The following CLGN variants were observed in gnomAD, a reference collection of about 807,000 sequenced individuals.
CLGN encodes the protein calmegin, also known as testis tissue sperm-binding protein Li 79P.
CLGN carries 62 observed loss-of-function variants against 79.1 expected under a neutral mutation model. That is an observed-to-expected ratio of 0.78 (90% confidence interval 0.64 to 0.97). The LOEUF (loss-of-function observed/expected upper bound fraction) is 0.97, where lower values mean the gene tolerates loss of function less well. Ranked by LOEUF, CLGN falls within the 50% of genes least tolerant of loss-of-function variation. The pLI, the probability that CLGN is intolerant of heterozygous loss-of-function variation, is 0.00. For synonymous variants in CLGN, 225 were observed against 224.7 expected (o/e 1.00, Z -0.01); for missense variants, 647 against 715.5 (o/e 0.90, Z 1.09).
intron 1 of CLGN, among the ~76,000 whole-genome samples, chr4:140,414,050 C>A (rs1269272074): frequency 6.6e-6 from 1 of 152,252 alleles, no homozygotes; most frequent in Non-Finnish European, 1.5e-5. Flanking sequence ...TCCCTGACCC[C>A]TGAGCAGCCT....
chr4:140,392,202 C>A lies in CLGN; in HGVS notation c.1651+17G>T, dbSNP rs376437199. 3 of 1,609,492 alleles carry A rather than the reference C, an allele frequency of 1.9e-6. No homozygotes were observed. In the African/African-American group the frequency reaches 4.0e-5, roughly 22 times the overall value. On this transcript the variant is annotated intron_variant, in intron 13 of 14. Coordinates refer to ENST00000325617, the MANE Select transcript of CLGN (RefSeq NM_004362.3). ...TTTACCCAGAGTCTCCATTATAAAT[C>A]ACTCTCATCATCTTACCTTTTTCAA... is the stretch of plus-strand genomic sequence containing the variant.
At chr4:140,419,722 T>C (rs1560748858) in intron 1 of CLGN, among the ~76,000 whole-genome samples, 1 of 152,214 alleles carries the variant, frequency 6.6e-6, no homozygotes, top group Non-Finnish European at 1.5e-5. Flanking sequence ...ATTACTTATA[T>C]ATTTATGGAC....
chr4:140,400,931 C>T (rs1025582131), intron 6 of CLGN, among the ~76,000 whole-genome samples: 8 of 151,940 alleles, frequency 5.3e-5, no homozygotes, highest in African/African-American at 1.9e-4. Flanking sequence ...AGGAAGATAC[C>T]AGAAAATGAC....
At chr4:140,424,968 C>T (rs968734921) in intron 1 of CLGN, among the ~76,000 whole-genome samples, 4 of 152,116 alleles carry the variant, frequency 2.6e-5, no homozygotes, top group Non-Finnish European at 1.5e-5. Flanking sequence ...TCCTAAAAAC[C>T]CTACTGGATC....
At chr4:140,406,732 A>G (rs1729115391) in intron 4 of CLGN, among the ~76,000 whole-genome samples, 1 of 152,242 alleles carries the variant, frequency 6.6e-6, no homozygotes, top group Non-Finnish European at 1.5e-5. Flanking sequence ...CCATGTTAAG[A>G]TCAGGACATT....
chr4:140,413,789 C>T (rs1465844367), intron 1 of CLGN, among the ~76,000 whole-genome samples: 10 of 152,334 alleles, frequency 6.6e-5, no homozygotes, highest in South Asian at 2.1e-4. Flanking sequence ...GAGGGGCGCC[C>T]GCCATTGCCC....
At chr4:140,408,898 T>C (rs191459048) in intron 4 of CLGN, among the ~76,000 whole-genome samples, 41 of 128,654 alleles carry the variant, frequency 3.2e-4, no homozygotes, top group Non-Finnish European at 4.5e-4. Flanking sequence ...CACACACACA[T>C]ATATATACAC....
intron 1 of CLGN, among the ~76,000 whole-genome samples, chr4:140,423,365 T>G (rs1202220466): frequency 6.6e-6 from 1 of 152,228 alleles, no homozygotes; most frequent in Non-Finnish European, 1.5e-5. Context: ...TGAATCATCC[T>G]TGAATTTTAG....
chr4:140,396,474 T>C (rs1296552916), intron 8 of CLGN, among the ~76,000 whole-genome samples: 1 of 152,150 alleles, frequency 6.6e-6, no homozygotes, highest in Admixed American at 6.6e-5. Flanking sequence ...GACCTTGCTT[T>C]TGTTACTTAA....
At position 140,427,599 on chromosome 4, in the gene CLGN, C is replaced by G. The variant is rs572850141; in HGVS notation, c.-72G>C. 6.6e-6 allele frequency: 1 copy of G among 152,294 alleles called. No homozygotes were observed. The highest frequency in any genetic ancestry group is 1.5e-5 in the Non-Finnish European group (1 of 68,092). 9.4% of individuals were successfully genotyped at this position (152,294 alleles called of 1,614,324 possible). ...TGTCCAAGTCGTTGCCACTTGGTCC[C>G]CGCGTCTCTTCAGACCAGTCCCGCC... On this transcript the variant is annotated 5_prime_UTR_variant, in exon 1 of 15. Transcript: ENST00000325617.
At chr4:140,418,308 T>C (rs1247285372) in intron 1 of CLGN, among the ~76,000 whole-genome samples, 3 of 149,116 alleles carry the variant, frequency 2.0e-5, no homozygotes, top group East Asian at 3.9e-4. Flanking sequence ...ACTTCATGTC[T>C]AAAACACCAA....
In CLGN at chr4:140,412,917, AT is replaced by A; in HGVS notation, c.144+17del. On this transcript the variant is annotated intron_variant, in intron 2 of 14. Transcript: ENST00000325617. ...TATGTAAAGGAATAATTTATAACCC[AT>A]TTCTCAATAACCATACCTCTGAGGA... The A allele has an allele frequency of 6.2e-7, 1 of 1,606,598 alleles. No individual in the cohort carries two copies. Among genetic ancestry groups the A allele is most frequent in the Non-Finnish European group, 8.5e-7 (1 of 1,174,550 alleles).
At chr4:140,405,131 T>A (rs1443515998) in intron 5 of CLGN, among the ~76,000 whole-genome samples, 2 of 151,908 alleles carry the variant, frequency 1.3e-5, no homozygotes, top group African/African-American at 4.8e-5. Flanking sequence ...TATTCTGTTC[T>A]GAATATATTG....
Position 140,395,804 on chromosome 4 carries a change from A to T in CLGN, c.1149+15T>A. On this transcript the variant is annotated intron_variant, in intron 10 of 14. Coordinates refer to ENST00000325617, the MANE Select transcript of CLGN (RefSeq NM_004362.3). Reference sequence around the variant, plus strand: ...TTTTTAACTTCACTAAATAATTGGAACAAGCGGTTGTTACCTGATAGTTAG... The same window carrying T: ...TTTTTAACTTCACTAAATAATTGGATCAAGCGGTTGTTACCTGATAGTTAG... The T allele has an allele frequency of 7.1e-7, 1 of 1,402,708 alleles. No individual in the cohort carries two copies. Among genetic ancestry groups the T allele is most frequent in the Non-Finnish European group, 9.3e-7 (1 of 1,073,974 alleles). The allele number at this position is 1,402,708 out of a possible 1,614,324, so 86.9% of individuals were successfully genotyped here.
At chr4:140,408,959 A>G (rs2126626972) in intron 4 of CLGN, among the ~76,000 whole-genome samples, 1 of 151,270 alleles carries the variant, frequency 6.6e-6, no homozygotes, top group Admixed American at 6.6e-5. Flanking sequence ...ATATATGTGT[A>G]TATATATACA....
chr4:140,394,909 C>T (rs993712611), intron 10 of CLGN, among the ~76,000 whole-genome samples: 47 of 152,142 alleles, frequency 3.1e-4, no homozygotes, highest in Non-Finnish European at 5.4e-4. Flanking sequence ...GGGCTGGGTT[C>T]GGTGGCTTAC....
intron 1 of CLGN, among the ~76,000 whole-genome samples, chr4:140,418,921 T>C (rs1160095139): frequency 2.6e-5 from 4 of 152,152 alleles, no homozygotes; most frequent in African/African-American, 9.7e-5. Flanking sequence ...TATTGCGGCA[T>C]TATTCACAAT....
chr4:140,397,141 A>C (rs996275779), intron 8 of CLGN, among the ~76,000 whole-genome samples: 2 of 151,628 alleles, frequency 1.3e-5, no homozygotes, highest in Non-Finnish European at 2.9e-5. Flanking sequence ...GGACATTTTA[A>C]ATTTTGATAG....
At chr4:140,395,133 C>T (rs531645030) in intron 10 of CLGN, among the ~76,000 whole-genome samples, 5 of 150,204 alleles carry the variant, frequency 3.3e-5, no homozygotes, top group South Asian at 2.1e-4. Flanking sequence ...GCCAAGATCA[C>T]GCCAGGCCAG....
Sources: allele counts gnomAD v4.1 joint callset (sites outside exome capture counted in the v4.1 genomes callset), GRCh38; gene constraint gnomAD v4.1.1; transcripts MANE v1.5; gene names NCBI Gene and HGNC (gene_info 2026-07-23, HGNC 2026-07-21).